The following EFNA5 variants were observed in gnomAD, a reference collection of about 807,000 sequenced individuals.
EFNA5 encodes the protein ephrin A5.
In EFNA5, 5 loss-of-function variants were observed where a neutral mutation model predicts 22.9. That is an observed-to-expected ratio of 0.22 (90% CI 0.11 to 0.46). The LOEUF is 0.46. EFNA5 is among the 20% of genes least tolerant of loss of function. The pLI is 0.99. For missense variants in EFNA5, 237 were observed against 293.3 expected, an observed-to-expected ratio of 0.81 and a Z score of 1.40; for synonymous variants, 113 against 112.2, an observed-to-expected ratio of 1.01 and a Z score of -0.04.
At chr5:107,621,355 C>G (rs1306846029) in intron 1 of EFNA5, among the ~76,000 whole-genome samples, 1 of 152,190 alleles carries the variant, frequency 6.6e-6, no homozygotes, top group East Asian at 1.9e-4. Context: ...GGGCCATTCT[C>G]TGCCTAGAAG....
chr5:107,466,118 C>G (rs1322032454), intron 1 of EFNA5, among the ~76,000 whole-genome samples: 2 of 152,140 alleles, frequency 1.3e-5, no homozygotes, highest in Non-Finnish European at 1.5e-5. Context: ...TTTCATCACA[C>G]CTTGATTCCA....
intron 1 of EFNA5, among the ~76,000 whole-genome samples, chr5:107,557,468 G>A (rs1748447875): frequency 6.6e-6 from 1 of 152,240 alleles, no homozygotes; most frequent in Non-Finnish European, 1.5e-5. Flanking sequence ...AGAGTTGAGG[G>A]TTGACAGGAA....
intron 1 of EFNA5, among the ~76,000 whole-genome samples, chr5:107,475,894 C>CT (rs950738481): frequency 6.6e-6 from 1 of 150,792 alleles, no homozygotes; most frequent in Non-Finnish European, 1.5e-5. Context: ...TTCCCAGATC[C>CT]TTTAAAAATG....
At chr5:107,595,894 G>T (rs1749463583) in intron 1 of EFNA5, among the ~76,000 whole-genome samples, 1 of 152,008 alleles carries the variant, frequency 6.6e-6, no homozygotes, top group African/African-American at 2.4e-5. Context: ...CAGAGAAAAA[G>T]ATATATAAAC....
chr5:107,420,546 A>G, intron 2 of EFNA5, among the ~76,000 whole-genome samples: 1 of 105,514 alleles, frequency 9.5e-6, no homozygotes, highest in East Asian at 4.0e-4. Context: ...AAAAAGAAAA[A>G]AAAAAAAGAA....
intron 1 of EFNA5, among the ~76,000 whole-genome samples, chr5:107,607,250 T>C (rs1043869771): frequency 4.6e-5 from 7 of 151,906 alleles, no homozygotes; most frequent in Non-Finnish European, 1.0e-4. Context: ...TACATTAGAA[T>C]AGAAAATGGT....
intron 2 of EFNA5, among the ~76,000 whole-genome samples, chr5:107,399,970 A>G (rs1748042354): frequency 6.6e-6 from 1 of 152,242 alleles, no homozygotes; most frequent in African/African-American, 2.4e-5. Context: ...GTGAAATTTT[A>G]GCAGTGATGA....
chr5:107,639,702 G>A (rs937915491), intron 1 of EFNA5, among the ~76,000 whole-genome samples: 3 of 152,078 alleles, frequency 2.0e-5, no homozygotes, highest in African/African-American at 7.2e-5. Flanking sequence ...ATAAGAGCAA[G>A]CGTTACCAAT....
Position 107,487,034 on chromosome 5 carries a change from C to T in EFNA5, c.126-59525G>A, listed in dbSNP as rs751279065. On this transcript the variant is annotated intron_variant, in intron 1 of 4. Transcript: ENST00000333274. ...TCTCTGTTTGAACTTCAAATGGAAT[C>T]GCCTGGCACAAAAGATAAAGAACAA... 3.9e-5 allele frequency among the ~76,000 whole-genome samples: 6 copies of T among 152,186 alleles called. No individual in the cohort carries two copies. The East Asian group carries it at 9.6e-4, about 24-fold the overall frequency.
intron 1 of EFNA5, among the ~76,000 whole-genome samples, chr5:107,559,109 T>C (rs1443816903): frequency 6.6e-6 from 1 of 152,206 alleles, no homozygotes; most frequent in Non-Finnish European, 1.5e-5. Context: ...ATCACTGGGA[T>C]GGTGAATGGC....
chr5:107,385,241 T>C (rs904472381), intron 4 of EFNA5, among the ~76,000 whole-genome samples: 1 of 152,190 alleles, frequency 6.6e-6, no homozygotes, highest in African/African-American at 2.4e-5. Context: ...CATCTCAATA[T>C]CTTGCATTGT....
At chr5:107,456,099 C>T (rs1005555979) in intron 1 of EFNA5, among the ~76,000 whole-genome samples, 10 of 152,072 alleles carry the variant, frequency 6.6e-5, no homozygotes, top group Admixed American at 2.6e-4. Flanking sequence ...GAATTAGGAA[C>T]CTGGTGAATG....
chr5:107,421,299 T>C (rs898977800), intron 2 of EFNA5, among the ~76,000 whole-genome samples: 6 of 152,224 alleles, frequency 3.9e-5, no homozygotes, highest in Admixed American at 1.3e-4. Context: ...ACACAGAATG[T>C]CCTAGTAATA....
At chr5:107,545,607 C>T (rs371731999) in intron 1 of EFNA5, among the ~76,000 whole-genome samples, 3 of 152,276 alleles carry the variant, frequency 2.0e-5, no homozygotes, top group East Asian at 3.9e-4. Flanking sequence ...TGGTTAATTA[C>T]TTAAGCCAAG....
At chr5:107,653,733 A>G (rs1411711170) in intron 1 of EFNA5, among the ~76,000 whole-genome samples, 1 of 152,188 alleles carries the variant, frequency 6.6e-6, no homozygotes, top group Non-Finnish European at 1.5e-5. Flanking sequence ...CTAATTAGCA[A>G]TTTATAACAA....
chr5:107,612,615 G>C (rs1400202287), intron 1 of EFNA5, among the ~76,000 whole-genome samples: 1 of 152,122 alleles, frequency 6.6e-6, no homozygotes, highest in Non-Finnish European at 1.5e-5. Flanking sequence ...TTATCAGTGA[G>C]AGCATGTTCT....
At chr5:107,595,171 G>T (rs1335898675) in intron 1 of EFNA5, among the ~76,000 whole-genome samples, 1 of 151,926 alleles carries the variant, frequency 6.6e-6, no homozygotes, top group Non-Finnish European at 1.5e-5. Context: ...ACACAGTTGG[G>T]TCGGTTTGAG....
chr5:107,627,138 T>C (rs778085099), intron 1 of EFNA5, among the ~76,000 whole-genome samples: 3 of 152,224 alleles, frequency 2.0e-5, no homozygotes, highest in African/African-American at 4.8e-5. Context: ...TTTTGAATCT[T>C]TCTGTTTGTT....
chr5:107,536,650 T>C (rs1448146278), intron 1 of EFNA5, among the ~76,000 whole-genome samples: 2 of 152,174 alleles, frequency 1.3e-5, no homozygotes. Context: ...AGGTATTTAT[T>C]TAAAATATAT....
Sources: allele counts gnomAD v4.1 joint callset (sites outside exome capture counted in the v4.1 genomes callset), GRCh38; gene constraint gnomAD v4.1.1; transcripts MANE v1.5; gene names NCBI Gene and HGNC (gene_info 2026-07-23, HGNC 2026-07-21).